Variants in TEX13C observed in about 807,000 individuals in gnomAD.
TEX13C encodes TEX13 family member C.
For synonymous variants in TEX13C, 219 were observed against 116.6 expected (o/e 1.88, Z -5.65); for missense variants, 480 against 298.7 (o/e 1.61, Z -4.47).
exon 1 of TEX13C, chrX:125,322,781 G>A (rs996839139): frequency 3.9e-6 from 2 of 515,391 alleles, no homozygotes; most frequent in Admixed American, 2.6e-5. Flanking sequence ...GATTCCCCAG[G>A]GCACAGCCTC....
At chrX:125,320,970 C>T (rs776661598) in exon 1 of TEX13C, 16 of 513,964 alleles carry the variant, frequency 3.1e-5, no homozygotes, top group South Asian at 2.0e-4. Flanking sequence ...CAGGAGGAGA[C>T]GGCCCCTCCG....
At chrX:125,320,393 T>C in exon 1 of TEX13C, 3 of 514,882 alleles carry the variant, frequency 5.8e-6, no homozygotes, top group East Asian at 7.2e-5. Flanking sequence ...CCAGGTTTGG[T>C]GGCTGCAAGG....
At chrX:125,323,711 A>G (rs755068478) in exon 1 of TEX13C, 1 of 111,397 alleles carries the variant, frequency 9.0e-6, no homozygotes, top group Non-Finnish European at 1.9e-5. Flanking sequence ...TTTACAGGTG[A>G]AGTCCTGTTT....
exon 1 of TEX13C, chrX:125,321,327 A>G (rs772010798): frequency 2.0e-6 from 1 of 512,782 alleles, no homozygotes; most frequent in Non-Finnish European, 3.5e-6. Flanking sequence ...CTGACGAAAA[A>G]TCCAGTTGTG....
In TEX13C at chrX:125,321,161, G is replaced by A; in HGVS notation, c.1042G>A (p.Ala348Thr). Residue 348 changes from alanine (A) to threonine (T), a missense_variant, in exon 1 of 1, where the codon GCT (alanine) becomes ACT (threonine). By Grantham distance (58) the Ala-to-Thr change is moderately conservative. Coordinates refer to ENST00000632600, the Ensembl canonical transcript of TEX13C. ...AGATCCAGTGATGCAAGAGGGCACA[G>A]CTCCCCCAGAGTTTAGCAGGAGCCA... is the stretch of plus-strand genomic sequence containing the variant. 5 of 515,355 alleles carry A rather than the reference G, an allele frequency of 9.7e-6. No homozygotes were observed. The East Asian group carries it at 1.8e-4, about 19-fold the overall frequency. The allele number at this position is 515,355 out of a possible 1,213,427, so 42.5% of individuals were successfully genotyped here.
exon 1 of TEX13C, chrX:125,320,856 C>T: frequency 3.9e-6 from 2 of 515,232 alleles, no homozygotes; most frequent in Admixed American, 2.6e-5. Context: ...CCATACTCAA[C>T]ACCTCTACCA....
chrX:125,321,074 G>A (rs1424912911), exon 1 of TEX13C: 1 of 514,251 alleles, frequency 1.9e-6, no homozygotes, highest in Non-Finnish European at 3.5e-6. Flanking sequence ...CCAAAAGGAA[G>A]GTTCTGAGTG....
rs923402216 is a variant in TEX13C at position 125,320,775 on chromosome X, G to A, written c.656G>A (p.Gly219Asp). The A allele has an allele frequency of 5.8e-6, 3 of 515,329 alleles. No homozygotes were observed. The Admixed American group carries it at 7.9e-5, about 14-fold the overall frequency. 42.5% of individuals were successfully genotyped at this position (515,329 alleles called of 1,213,427 possible). A position where few individuals can be genotyped will look rare whatever the true frequency, so the allele number is the denominator to read the frequency against. The change falls in exon 1 of 1, where the codon GGC (glycine) becomes GAC (aspartate). Residue 219 changes from glycine (G) to aspartate (D), a missense_variant. By Grantham distance (94) the Gly-to-Asp change is moderately conservative. Coordinates refer to ENST00000632600, the Ensembl canonical transcript of TEX13C. Reference sequence around the variant, plus strand: ...GAACCCCAGAGTGGCAGGGTCCAGGGCATGCAACCTCTTCTGCTAATGCAG... The same window carrying A: ...GAACCCCAGAGTGGCAGGGTCCAGGACATGCAACCTCTTCTGCTAATGCAG...
At chrX:125,320,058 A>AGCG, upstream of TEX13C, 4 of 454,348 alleles carry the variant, frequency 8.8e-6, no homozygotes, top group Non-Finnish European at 1.5e-5. Context: ...CTGTACCGGA[A>AGCG]GCGGCGGCGG....
exon 1 of TEX13C, chrX:125,324,561 C>A (rs1162269782): frequency 9.0e-6 from 1 of 111,372 alleles, no homozygotes; most frequent in Non-Finnish European, 1.9e-5. Flanking sequence ...CCATGCCCAG[C>A]CCTTATGAAA....
chrX:125,320,502 C>T lies in TEX13C; in HGVS notation c.383C>T (p.Thr128Met), dbSNP rs755254992. The T allele has an allele frequency of 1.7e-5, 9 of 514,917 alleles. No homozygotes were observed. The East Asian group carries it at 1.8e-4, about 10-fold the overall frequency. 42.4% of individuals were successfully genotyped at this position (514,917 alleles called of 1,213,427 possible). A position where few individuals can be genotyped will look rare whatever the true frequency, so the allele number is the denominator to read the frequency against. ...GAGGTGGCAACACAGCTGCACCTCA[C>T]GCAGGCCGCCCTGCAGCAGGTGCTG... The change falls in exon 1 of 1, where the codon ACG becomes ATG. Residue 128 changes from threonine to methionine, a missense_variant. By Grantham distance (81) the Thr-to-Met change is moderately conservative. Coordinates refer to ENST00000632600, the Ensembl canonical transcript of TEX13C.
chrX:125,320,419 C>T (rs2018824725), exon 1 of TEX13C: 8 of 514,839 alleles, frequency 1.6e-5, no homozygotes, highest in East Asian at 3.6e-5. Flanking sequence ...TGGAGGAGTG[C>T]CAGGCGACCT....
chrX:125,324,961 G>T (rs1317081048), exon 1 of TEX13C: 1 of 111,735 alleles, frequency 8.9e-6, no homozygotes, highest in African/African-American at 3.3e-5. Context: ...GCTAGACTGG[G>T]GCAAGCACTT....
exon 1 of TEX13C, chrX:125,321,595 G>A (rs1183414774): frequency 3.9e-6 from 2 of 510,957 alleles, no homozygotes; most frequent in African/African-American, 2.4e-5. Context: ...TGATGCCCAA[G>A]GAGATGGTCC....
chrX:125,320,203 C>T (rs772222063), exon 1 of TEX13C: 8 of 514,574 alleles, frequency 1.6e-5, no homozygotes, highest in East Asian at 7.2e-5. Flanking sequence ...TCCTCAGGAA[C>T]GGCGGCAGCC....
exon 1 of TEX13C, chrX:125,320,742 A>C: frequency 1.9e-6 from 1 of 515,200 alleles, no homozygotes; most frequent in Non-Finnish European, 3.5e-6. Flanking sequence ...GCTGTGTATT[A>C]CATGCCTGAA....
chrX:125,320,212 C>T (rs2018821580), exon 1 of TEX13C: 1 of 514,974 alleles, frequency 1.9e-6, no homozygotes, highest in African/African-American at 2.3e-5. Flanking sequence ...ACGGCGGCAG[C>T]CCAGCCTTTT....
In TEX13C at chrX:125,323,029, AC is replaced by A. The variant is rs1179670072; in HGVS notation, c.2911del (p.Arg971GlyfsTer70). The A allele has an allele frequency of 3.9e-6, 2 of 515,477 alleles. No homozygotes were observed. Among genetic ancestry groups the A allele is most frequent in the Admixed American group, 5.3e-5 (2 of 37,979 alleles). 42.5% of individuals were successfully genotyped at this position (515,477 alleles called of 1,213,427 possible). On this transcript the variant is annotated frameshift_variant, in exon 1 of 1. Transcript: ENST00000632600. LOFTEE classifies it low-confidence loss of function (END_TRUNC). The stretch of plus-strand genomic sequence containing the variant: ...CATGGTGTAATGCCATGAATTTTCC[AC>A]GGAACAAGGTGTGCTCTAAATGCAA...
At position 125,322,053 on chromosome X, in the gene TEX13C, G is replaced by A. The variant is rs764192765; in HGVS notation, c.1934G>A (p.Gly645Glu). Residue 645 changes from glycine to glutamate, a missense_variant, in exon 1 of 1, where the codon GGG (glycine) becomes GAG (glutamate). Gly to Glu is a moderately conservative substitution (Grantham distance 98). Transcript: ENST00000632600. ...ATGCCCAAGGAGATGGTCCCCCTGG[G>A]GGACAGCCACAGCCTGAAGAAAGAT... 12 of 466,678 alleles carry A rather than the reference G, an allele frequency of 2.6e-5. No homozygotes were observed. In the South Asian group the frequency reaches 3.1e-4, roughly 12 times the overall value. 38.5% of individuals were successfully genotyped at this position (466,678 alleles called of 1,213,427 possible).
Sources: gnomAD v4.1 joint callset for allele counts on GRCh38, gnomAD v4.1.1 for gene constraint, MANE v1.5 for transcripts, NCBI Gene and HGNC (gene_info 2026-07-23, HGNC 2026-07-21) for gene names.